Variants in GRIA4 observed in about 807,000 individuals in gnomAD.
The protein encoded by GRIA4 is glutamate receptor 4.
A neutral mutation model predicts 104.0 loss-of-function variants in GRIA4; 34 were observed. That is an observed-to-expected ratio of 0.33 (90% CI 0.25 to 0.44). GRIA4 has a LOEUF of 0.44. GRIA4 is among the 20% of genes least tolerant of loss of function. The probability of loss-of-function intolerance (pLI) is 1.00; values close to 1 mark genes in which losing one functional copy is unlikely to be tolerated. For synonymous variants in GRIA4, 386 were observed against 381.9 expected (o/e 1.01, Z -0.13); for missense variants, 750 against 1,096.5 (o/e 0.68, Z 4.46).
chr11:105,725,160 A>C (rs1220653430), intron 3 of GRIA4, among the ~76,000 whole-genome samples: 1 of 152,180 alleles, frequency 6.6e-6, no homozygotes, highest in Non-Finnish European at 1.5e-5. Context: ...ATATAGAATA[A>C]TTCAAGCATT....
intron 3 of GRIA4, among the ~76,000 whole-genome samples, chr11:105,666,975 T>C (rs1952185159): frequency 6.6e-6 from 1 of 152,020 alleles, no homozygotes; most frequent in Non-Finnish European, 1.5e-5. Flanking sequence ...TATCTTCATT[T>C]GTTCTTGTGG....
intron 3 of GRIA4, among the ~76,000 whole-genome samples, chr11:105,738,952 A>G (rs905993013): frequency 1.3e-5 from 2 of 151,132 alleles, no homozygotes; most frequent in Admixed American, 6.6e-5. Context: ...AAACAAAAAA[A>G]ACCCAAAAAA....
intron 4 of GRIA4, among the ~76,000 whole-genome samples, chr11:105,799,309 C>T (rs1942618405): frequency 6.6e-6 from 1 of 151,970 alleles, no homozygotes; most frequent in African/African-American, 2.4e-5. Context: ...AAAACCTAAT[C>T]TGAAGGTGTG....
chr11:105,636,168 A>G (rs1476797970), intron 3 of GRIA4, among the ~76,000 whole-genome samples: 1 of 152,232 alleles, frequency 6.6e-6, no homozygotes, highest in Non-Finnish European at 1.5e-5. Context: ...GCTTTTCATC[A>G]GTTCAGTTCT....
At chr11:105,781,005 T>A (rs1412023724) in intron 4 of GRIA4, among the ~76,000 whole-genome samples, 1 of 152,152 alleles carries the variant, frequency 6.6e-6, no homozygotes, top group Non-Finnish European at 1.5e-5. Context: ...CTAATTCATC[T>A]TTTCAGTTGC....
In GRIA4 at chr11:105,981,553, TCACACACACACACACACACACA is replaced by T. The variant is rs112786972; in HGVS notation, c.*1831_*1852del. 7.5e-6 allele frequency: 1 copy of T among 134,020 alleles called. No homozygotes were observed. The highest frequency in any genetic ancestry group is 2.9e-5 in the African/African-American group (1 of 34,748). The allele number at this position is 134,020 out of a possible 1,614,324, so 8.3% of individuals were successfully genotyped here. A position where few individuals can be genotyped will look rare whatever the true frequency, so the allele number is the denominator to read the frequency against. On this transcript the variant is annotated 3_prime_UTR_variant, in exon 17 of 17. Coordinates refer to ENST00000282499, the MANE Select transcript of GRIA4 (RefSeq NM_000829.4). ...TAAGAGCAATCTTAAACAGTATAAA[TCACACACACACACACACACACA>T]CACACACACACACACAAGTCCCTCA... is the stretch of plus-strand genomic sequence containing the variant.
At chr11:105,700,431 T>A (rs1044546862) in intron 3 of GRIA4, among the ~76,000 whole-genome samples, 13 of 152,158 alleles carry the variant, frequency 8.5e-5, no homozygotes, top group African/African-American at 2.7e-4. Flanking sequence ...GTAGTTCCAA[T>A]CCCATGTGGC....
At chr11:105,897,652 A>G (rs911297829) in intron 6 of GRIA4, among the ~76,000 whole-genome samples, 14 of 152,190 alleles carry the variant, frequency 9.2e-5, no homozygotes, top group African/African-American at 2.9e-4. Context: ...TTTTTACTGT[A>G]TCTGTTGGGA....
At chr11:105,627,962 A>C (rs1283572871) in intron 3 of GRIA4, among the ~76,000 whole-genome samples, 2 of 152,184 alleles carry the variant, frequency 1.3e-5, no homozygotes, top group Admixed American at 6.6e-5. Flanking sequence ...TCTGTACTAC[A>C]ACCGTGACTT....
chr11:105,680,815 T>C (rs980459758), intron 3 of GRIA4, among the ~76,000 whole-genome samples: 1 of 152,262 alleles, frequency 6.6e-6, no homozygotes, highest in Admixed American at 6.5e-5. Flanking sequence ...TGTCCTATTT[T>C]ACAAGTATCC....
intron 4 of GRIA4, among the ~76,000 whole-genome samples, chr11:105,755,560 C>A (rs1234538156): frequency 6.6e-6 from 1 of 152,082 alleles, no homozygotes; most frequent in Admixed American, 6.6e-5. Flanking sequence ...TTTCTTTTAC[C>A]AGATATGGAT....
chr11:105,938,787 G>A (rs1479700812), intron 14 of GRIA4, among the ~76,000 whole-genome samples: 1 of 152,060 alleles, frequency 6.6e-6, no homozygotes, highest in Non-Finnish European at 1.5e-5. Flanking sequence ...TTTATTGTGT[G>A]TACCAAGTAT....
chr11:105,924,832 T>G (rs1565345924), intron 12 of GRIA4, 63 bp downstream of exon 12: 5 of 1,239,622 alleles, frequency 4.0e-6, no homozygotes, highest in Non-Finnish European at 5.7e-6. Context: ...TTGTGCAGAT[T>G]ATCTCTCTAC....
At chr11:105,749,469 G>C (rs1939870037) in intron 3 of GRIA4, among the ~76,000 whole-genome samples, 1 of 152,198 alleles carries the variant, frequency 6.6e-6, no homozygotes, top group Admixed American at 6.5e-5. Flanking sequence ...AAGGGCCATA[G>C]ATGGAAGAAA....
intron 14 of GRIA4, among the ~76,000 whole-genome samples, chr11:105,966,452 A>G (rs919558410): frequency 6.6e-6 from 1 of 152,180 alleles, no homozygotes; most frequent in Non-Finnish European, 1.5e-5. Context: ...AACTTCTACC[A>G]AATATTGCTT....
At chr11:105,834,522 T>C (rs939999711) in intron 4 of GRIA4, among the ~76,000 whole-genome samples, 1 of 151,960 alleles carries the variant, frequency 6.6e-6, no homozygotes, top group Non-Finnish European at 1.5e-5. Flanking sequence ...ATTAAGTGTG[T>C]TTTTGGAGAA....
At chr11:105,719,156 A>G (rs1486632659) in intron 3 of GRIA4, among the ~76,000 whole-genome samples, 1 of 152,088 alleles carries the variant, frequency 6.6e-6, no homozygotes, top group Non-Finnish European at 1.5e-5. Flanking sequence ...TTAGCACTCA[A>G]TTTTTAAATT....
chr11:105,860,057 G>A (rs918341642), intron 4 of GRIA4, among the ~76,000 whole-genome samples: 8 of 152,024 alleles, frequency 5.3e-5, no homozygotes, highest in East Asian at 1.9e-4. Context: ...TTACTGGCAC[G>A]CATTACAAAA....
intron 3 of GRIA4, among the ~76,000 whole-genome samples, chr11:105,621,011 C>A (rs1294676045): frequency 6.6e-6 from 1 of 151,542 alleles, no homozygotes; most frequent in African/African-American, 2.4e-5. Context: ...TCATCAGGTG[C>A]CTCCGACTTA....
Sources: gnomAD v4.1 joint callset for allele counts (sites outside exome capture counted in the v4.1 genomes callset) on GRCh38, gnomAD v4.1.1 for gene constraint, MANE v1.5 for transcripts, NCBI Gene and HGNC (gene_info 2026-07-23, HGNC 2026-07-21) for gene names.